KAZN: variants seen among roughly 807,000 people sequenced by gnomAD.
KAZN encodes the protein kazrin, periplakin interacting protein.
KAZN carries 40 observed loss-of-function variants against 87.4 expected under a neutral mutation model. The ratio of observed to expected loss-of-function variants is 0.46; its 90% confidence interval spans 0.36 to 0.60. The LOEUF is 0.60. KAZN is among the 20% of genes least tolerant of loss of function. The probability of loss-of-function intolerance (pLI) is 0.00; values close to 1 mark genes in which losing one functional copy is unlikely to be tolerated. For synonymous variants in KAZN, 466 were observed against 458.3 expected (o/e 1.02, Z -0.22); for missense variants, 898 against 1,073.9 (o/e 0.84, Z 2.29).
At chr1:14,510,326 C>T (rs973307753) in intron 2 of KAZN, among the ~76,000 whole-genome samples, 1 of 150,060 alleles carries the variant, frequency 6.7e-6, no homozygotes, top group Non-Finnish European at 1.5e-5. Context: ...TGCAGTGAGC[C>T]GAGATGGCGC....
chr1:14,824,479 G>A (rs1646826296), intron 1 of KAZN, among the ~76,000 whole-genome samples: 1 of 152,188 alleles, frequency 6.6e-6, no homozygotes, highest in African/African-American at 2.4e-5. Context: ...GACCTACCCG[G>A]CACCCAACAG....
At chr1:14,531,430 C>G (rs139451355) in intron 2 of KAZN, among the ~76,000 whole-genome samples, 1 of 152,294 alleles carries the variant, frequency 6.6e-6, no homozygotes, top group African/African-American at 2.4e-5. Flanking sequence ...CATCATTACT[C>G]TCACTAGACA....
intron 8 of KAZN, among the ~76,000 whole-genome samples, chr1:15,090,497 G>A (rs1472911727): frequency 1.3e-5 from 2 of 152,232 alleles, no homozygotes; most frequent in Non-Finnish European, 2.9e-5. Context: ...CACCAGCACT[G>A]GCTGCCGGCC....
chr1:14,703,102 G>T (rs1642020411), intron 1 of KAZN, among the ~76,000 whole-genome samples: 1 of 152,188 alleles, frequency 6.6e-6, no homozygotes, highest in Non-Finnish European at 1.5e-5. Context: ...AAATAGTAGG[G>T]CAAGGATTTG....
At chr1:14,203,595 G>T (rs1430661551) in intron 2 of KAZN, among the ~76,000 whole-genome samples, 1 of 152,188 alleles carries the variant, frequency 6.6e-6, no homozygotes, top group Non-Finnish European at 1.5e-5. Flanking sequence ...CACATCCCTC[G>T]ATTTGACAAA....
Position 15,094,211 on chromosome 1 carries a change from G to C in KAZN, c.1254G>C (p.Gln418His). ...ACAGCCAGTGCAGCCCCACGCGGCAGAGCCTCAGCCTGTCGGAAGGCGAGG... is the reference window on the plus strand; with the variant it reads ...ACAGCCAGTGCAGCCCCACGCGGCACAGCCTCAGCCTGTCGGAAGGCGAGG... ...DSDSQCSPTR[Q>H]SLSLSEGEEQ... The change falls in exon 9 of 15, where the codon CAG becomes CAC. Residue 418 changes from glutamine (Q) to histidine (H), a missense_variant. This residue lies in a region of KAZN where 521 missense variants were observed against 689.4 expected (regional missense o/e 0.76). Transcript: ENST00000376030. The surrounding 1 kb of genome is among the most constrained non-coding windows in gnomAD (Gnocchi z 4.5). 6.2e-7 allele frequency: 1 copy of C among 1,613,758 alleles called. No homozygotes were observed. The highest frequency in any genetic ancestry group is 1.1e-5 in the South Asian group (1 of 91,076).
intron 1 of KAZN, among the ~76,000 whole-genome samples, chr1:14,862,100 A>T (rs1310290279): frequency 6.6e-6 from 1 of 152,222 alleles, no homozygotes; most frequent in African/African-American, 2.4e-5. Flanking sequence ...TGTGTGATGG[A>T]CACCTGAAGG....
At chr1:14,546,467 T>G (rs1202243186) in intron 2 of KAZN, among the ~76,000 whole-genome samples, 1 of 151,622 alleles carries the variant, frequency 6.6e-6, no homozygotes, top group African/African-American at 2.4e-5. Context: ...GGGTGAGAGG[T>G]GCCAGAAGAA....
intron 2 of KAZN, among the ~76,000 whole-genome samples, chr1:15,033,199 G>A (rs1301500742): frequency 6.6e-6 from 1 of 152,162 alleles, no homozygotes; most frequent in East Asian, 1.9e-4. Flanking sequence ...GGATTTTGGT[G>A]TCCACAGGGA....
At chr1:14,318,530 G>A (rs966126970) in intron 2 of KAZN, among the ~76,000 whole-genome samples, 8 of 151,912 alleles carry the variant, frequency 5.3e-5, no homozygotes, top group African/African-American at 1.9e-4. Context: ...GCCTTGGTAT[G>A]GTTTTCTTTG....
intron 2 of KAZN, among the ~76,000 whole-genome samples, chr1:14,501,942 C>T (rs1310578083): frequency 6.6e-6 from 1 of 152,144 alleles, no homozygotes; most frequent in Non-Finnish European, 1.5e-5. Context: ...CAGATCAGTT[C>T]TTCCTGGGAC....
intron 2 of KAZN, among the ~76,000 whole-genome samples, chr1:14,196,960 C>G (rs1458339317): frequency 6.6e-6 from 1 of 151,972 alleles, no homozygotes; most frequent in Non-Finnish European, 1.5e-5. Flanking sequence ...TGAAAATGAT[C>G]CTTTGTGAGC....
intron 1 of KAZN, among the ~76,000 whole-genome samples, chr1:14,151,795 TCA>T (rs891576794): frequency 3.3e-5 from 5 of 152,214 alleles, no homozygotes; most frequent in African/African-American, 1.2e-4. Flanking sequence ...ACCATTCCTA[TCA>T]CACCAGCTGC....
intron 1 of KAZN, among the ~76,000 whole-genome samples, chr1:14,731,848 T>C (rs1643691714): frequency 6.6e-6 from 1 of 152,198 alleles, no homozygotes; most frequent in Admixed American, 6.5e-5. Flanking sequence ...AGAAGGAGGA[T>C]GACAACAGTA....
intron 2 of KAZN, among the ~76,000 whole-genome samples, chr1:14,501,081 AAAT>A: frequency 3.8e-3 from 1 of 264 alleles, no homozygotes; most frequent in Non-Finnish European, 8.1e-3. Flanking sequence ...CATCTGCAAA[AAAT>A]AAATAAATAA....
chr1:14,853,040 G>C (rs1018171787), intron 1 of KAZN, among the ~76,000 whole-genome samples: 4 of 152,216 alleles, frequency 2.6e-5, no homozygotes, highest in African/African-American at 9.7e-5. Context: ...CAGATCTAGG[G>C]AATGGGTGGA....
intron 1 of KAZN, among the ~76,000 whole-genome samples, chr1:14,636,226 C>T (rs1423272992): frequency 6.6e-6 from 1 of 152,212 alleles, no homozygotes; most frequent in African/African-American, 2.4e-5. Context: ...CTTCAGTTTC[C>T]TCATCTGTCA....
intron 1 of KAZN, among the ~76,000 whole-genome samples, chr1:14,133,921 C>T (rs552676767): frequency 6.6e-6 from 1 of 152,288 alleles, no homozygotes; most frequent in South Asian, 2.1e-4. Context: ...AGTCCTGCCT[C>T]GAAGGAGCAG....
At chr1:13,994,476 AT>A (rs1639420310) in intron 1 of KAZN, among the ~76,000 whole-genome samples, 1 of 152,248 alleles carries the variant, frequency 6.6e-6, no homozygotes, top group African/African-American at 2.4e-5. Flanking sequence ...ACCAAGTTAG[AT>A]TAAAATGAGT....
Sources: allele counts gnomAD v4.1 joint callset (sites outside exome capture counted in the v4.1 genomes callset), GRCh38; gene constraint gnomAD v4.1.1; regional missense constraint gnomAD v4.1.1; non-coding constraint Gnocchi (gnomAD v3.1); transcripts MANE v1.5; gene names NCBI Gene and HGNC (gene_info 2026-07-23, HGNC 2026-07-21).